Variants in KCNIP4 observed in about 807,000 individuals in gnomAD.
The protein encoded by KCNIP4 is Kv channel-interacting protein 4.
KCNIP4 carries 12 observed loss-of-function variants against 34.0 expected under a neutral mutation model. The ratio of observed to expected loss-of-function variants is 0.35; its 90% CI spans 0.23 to 0.57. The LOEUF (loss-of-function observed/expected upper bound fraction) is 0.57, where lower values mean the gene tolerates loss of function less well. KCNIP4 is among the 20% of genes least tolerant of loss of function. KCNIP4 has a pLI of 0.83. For synonymous variants in KCNIP4, 124 were observed against 102.2 expected, an observed-to-expected ratio of 1.21 and a Z score of -1.29; for missense variants, 238 against 311.7, an observed-to-expected ratio of 0.76 and a Z score of 1.78.
intron 1 of KCNIP4, among the ~76,000 whole-genome samples, chr4:21,234,450 A>AAC (rs1759177488): frequency 7.7e-6 from 1 of 129,780 alleles, no homozygotes; most frequent in African/African-American, 3.1e-5. Context: ...TATAATATAT[A>AAC]TTACATATAA....
At chr4:21,749,950 T>C (rs981273292) in intron 1 of KCNIP4, among the ~76,000 whole-genome samples, 2 of 152,150 alleles carry the variant, frequency 1.3e-5, no homozygotes, top group Non-Finnish European at 2.9e-5. Context: ...TTATCTGCAA[T>C]TTTGCTTTCC....
intron 1 of KCNIP4, among the ~76,000 whole-genome samples, chr4:21,828,179 A>C (rs1011316209): frequency 6.6e-6 from 1 of 151,422 alleles, no homozygotes; most frequent in African/African-American, 2.4e-5. Context: ...CGTATATTTT[A>C]AAAAATCTAA....
intron 1 of KCNIP4, among the ~76,000 whole-genome samples, chr4:20,996,126 A>G (rs186572407): frequency 5.3e-5 from 8 of 152,266 alleles, no homozygotes; most frequent in Admixed American, 3.3e-4. Flanking sequence ...AACAAATCCA[A>G]TCAACAAATC....
At chr4:21,132,030 G>A (rs1013455970) in intron 1 of KCNIP4, among the ~76,000 whole-genome samples, 4 of 152,176 alleles carry the variant, frequency 2.6e-5, no homozygotes, top group Non-Finnish European at 4.4e-5. Flanking sequence ...GATGGAGATT[G>A]TGTGTGAAAG....
chr4:21,797,657 C>A (rs1192934799), intron 1 of KCNIP4, among the ~76,000 whole-genome samples: 1 of 152,038 alleles, frequency 6.6e-6, no homozygotes, highest in Non-Finnish European at 1.5e-5. Context: ...TTTTGTTTCA[C>A]TTTTTTACTG....
rs192481939 is a variant in KCNIP4, at chr4:20,960,018, G to A, written c.62-77309C>T. Among the ~76,000 whole-genome samples, 14 of 152,124 alleles carry A rather than the reference G, an allele frequency of 9.2e-5. No homozygotes were observed. In the South Asian group the frequency reaches 1.7e-3, roughly 18 times the overall value. On this transcript the variant is annotated intron_variant, in intron 1 of 8. Transcript: ENST00000382152. ...ATCACCATTGTCTGGCTTAATATCA[G>A]GCATAGAGTAGACAGACTGTGCATA... is the stretch of plus-strand genomic sequence containing the variant.
At chr4:21,300,379 A>G (rs568561884) in intron 1 of KCNIP4, among the ~76,000 whole-genome samples, 55 of 152,262 alleles carry the variant, frequency 3.6e-4, no homozygotes, top group African/African-American at 1.3e-3. Flanking sequence ...AAGTAGAGAG[A>G]GTCTATGAAT....
At chr4:20,974,800 A>G (rs1238876902) in intron 1 of KCNIP4, among the ~76,000 whole-genome samples, 4 of 152,208 alleles carry the variant, frequency 2.6e-5, no homozygotes, top group African/African-American at 7.2e-5. Context: ...TATGTTCTCA[A>G]TGACTAGTAC....
chr4:21,867,017 G>A (rs974649807), intron 1 of KCNIP4, among the ~76,000 whole-genome samples: 7 of 151,950 alleles, frequency 4.6e-5, no homozygotes, highest in Middle Eastern at 3.4e-3. Context: ...GTGATCCAAT[G>A]GCCTCGGCTT....
At chr4:20,945,395 C>T (rs757028404) in intron 1 of KCNIP4, among the ~76,000 whole-genome samples, 5 of 152,154 alleles carry the variant, frequency 3.3e-5, no homozygotes, top group Non-Finnish European at 7.3e-5. Flanking sequence ...GAACATTTAG[C>T]CCTATCTTGA....
At chr4:21,376,503 T>A (rs1312883608) in intron 1 of KCNIP4, among the ~76,000 whole-genome samples, 2 of 152,214 alleles carry the variant, frequency 1.3e-5, no homozygotes, top group African/African-American at 4.8e-5. Flanking sequence ...CATTCATTCT[T>A]CCCCAGTCAT....
chr4:21,281,234 G>A (rs1337518897), intron 1 of KCNIP4, among the ~76,000 whole-genome samples: 2 of 151,636 alleles, frequency 1.3e-5, no homozygotes, highest in East Asian at 2.0e-4. Context: ...CTACAGGCAC[G>A]CACCACCACG....
At chr4:20,829,223 T>A (rs1718130843) in intron 3 of KCNIP4, among the ~76,000 whole-genome samples, 1 of 152,112 alleles carries the variant, frequency 6.6e-6, no homozygotes, top group South Asian at 2.1e-4. Context: ...TATTTTTTTT[T>A]TTGAGACGGA....
chr4:21,858,156 G>A (rs183459201), intron 1 of KCNIP4, among the ~76,000 whole-genome samples: 393 of 152,320 alleles, frequency 2.6e-3, no homozygotes, highest in African/African-American at 9.0e-3. Flanking sequence ...ATCCAGGCTG[G>A]TAGCATGAGC....
intron 1 of KCNIP4, among the ~76,000 whole-genome samples, chr4:21,557,239 C>T (rs901570862): frequency 2.6e-5 from 4 of 152,036 alleles, no homozygotes; most frequent in African/African-American, 4.8e-5. Context: ...ATATTCATCG[C>T]TAGTAGACTA....
chr4:20,945,470 G>T (rs1489206786), intron 1 of KCNIP4, among the ~76,000 whole-genome samples: 1 of 152,122 alleles, frequency 6.6e-6, no homozygotes, highest in Non-Finnish European at 1.5e-5. Flanking sequence ...TTGCTTCCTT[G>T]TTGGTATACA....
At chr4:21,854,622 G>A (rs1437701914) in intron 1 of KCNIP4, among the ~76,000 whole-genome samples, 1 of 152,014 alleles carries the variant, frequency 6.6e-6, no homozygotes, top group Non-Finnish European at 1.5e-5. Flanking sequence ...TCTACCCTTG[G>A]CACACCATTC....
chr4:21,044,812 C>T (rs1742296874), intron 1 of KCNIP4, among the ~76,000 whole-genome samples: 1 of 152,178 alleles, frequency 6.6e-6, no homozygotes, highest in South Asian at 2.1e-4. Context: ...TTTCCATGTC[C>T]AGGGGAATCC....
At chr4:21,218,968 A>T (rs1560183946) in intron 1 of KCNIP4, among the ~76,000 whole-genome samples, 1 of 152,172 alleles carries the variant, frequency 6.6e-6, no homozygotes, top group Non-Finnish European at 1.5e-5. Flanking sequence ...CAATATTTTT[A>T]GGACTTCTAG....
Sources: gnomAD v4.1 joint callset for allele counts (sites outside exome capture counted in the v4.1 genomes callset) on GRCh38, gnomAD v4.1.1 for gene constraint, MANE v1.5 for transcripts, NCBI Gene and HGNC (gene_info 2026-07-23, HGNC 2026-07-21) for gene names.